Variants in AFAP1 observed in about 807,000 individuals in gnomAD.
The protein encoded by AFAP1 is actin filament associated protein 1, also known as actin filament-associated protein 1.
Under a neutral mutation model 93.9 loss-of-function variants are expected in AFAP1, and 75 were observed. The ratio of observed to expected loss-of-function variants is 0.80; its 90% confidence interval spans 0.66 to 0.97. AFAP1 has a LOEUF of 0.97. Ranked by LOEUF, AFAP1 falls within the 50% of genes least tolerant of loss-of-function variation. AFAP1 has a pLI of 0.00. For missense variants in AFAP1, 1,201 were observed against 1,050.8 expected (o/e 1.14, Z -1.98); for synonymous variants, 517 against 430.7 (o/e 1.20, Z -2.48).
intron 12 of AFAP1, among the ~76,000 whole-genome samples, chr4:7,783,775 G>T (rs1300867843): frequency 1.3e-5 from 2 of 152,216 alleles, no homozygotes; most frequent in African/African-American, 4.8e-5. Context: ...TGGTTCCACA[G>T]GGTGAAGACA....
At chr4:7,845,883 TGG>T (rs34608904) in intron 4 of AFAP1, among the ~76,000 whole-genome samples, 1 of 151,404 alleles carries the variant, frequency 6.6e-6, no homozygotes, top group African/African-American at 2.4e-5. Flanking sequence ...GGCACAGGGG[TGG>T]GGGGGGCAAG....
At chr4:7,918,809 A>T (rs112139902) in intron 1 of AFAP1, among the ~76,000 whole-genome samples, 7 of 102,680 alleles carry the variant, frequency 6.8e-5, no homozygotes, top group African/African-American at 1.8e-4. Context: ...GGCTGTTGGA[A>T]GAGACACTCG....
At chr4:7,891,235 C>T (rs1718450832) in intron 1 of AFAP1, among the ~76,000 whole-genome samples, 1 of 152,198 alleles carries the variant, frequency 6.6e-6, no homozygotes, top group Non-Finnish European at 1.5e-5. Context: ...ATCTGCAGGG[C>T]CAGGAAGCAG....
rs145262268 is a variant in AFAP1 at position 7,768,933 on chromosome 4, C to A, written c.2329G>T (p.Val777Leu). ...SCDTSDTEGP[V>L]PVNSAAVLKK... Reference sequence around the variant, plus strand: ...AAGACGGCCGCGCTGTTCACCGGCACGGGGCCCTCGGTGTCACTGGTGTCA... The same window carrying A: ...AAGACGGCCGCGCTGTTCACCGGCAAGGGGCCCTCGGTGTCACTGGTGTCA... Residue 777 changes from valine (V) to leucine (L), a missense_variant, in exon 17 of 18, where the codon GTG (valine) becomes TTG (leucine). Transcript: ENST00000420658. 2 of 1,613,842 alleles carry A rather than the reference C, an allele frequency of 1.2e-6. No homozygotes were observed. Among genetic ancestry groups the A allele is most frequent in the Non-Finnish European group, 1.7e-6 (2 of 1,179,878 alleles).
rs577939250 is a variant in AFAP1 at position 7,790,729 on chromosome 4, C to G, written c.1412+2952G>C. On this transcript the variant is annotated intron_variant, in intron 11 of 17. Coordinates refer to ENST00000420658, the MANE Select transcript of AFAP1 (RefSeq NM_001134647.2). The stretch of plus-strand genomic sequence containing the variant: ...GAATTGGAGAATCATTATAATTTAC[C>G]TATATTTTGCTGATTAGAAAGAATA... Among the ~76,000 whole-genome samples the G allele has an allele frequency of 1.6e-4, 25 of 152,208 alleles. No individual in the cohort carries two copies. The East Asian group carries it at 3.9e-3, about 24-fold the overall frequency.
At chr4:7,798,976 T>C in intron 10 of AFAP1, 1 of 986,574 alleles carries the variant, frequency 1.0e-6, no homozygotes, top group Non-Finnish European at 1.2e-6. Flanking sequence ...AGACCCGCAT[T>C]GTTACATCAA....
chr4:7,883,363 T>G (rs1057152265), intron 1 of AFAP1, among the ~76,000 whole-genome samples: 2 of 152,126 alleles, frequency 1.3e-5, no homozygotes, highest in Admixed American at 1.3e-4. Context: ...ACACTTGGAA[T>G]TGATAGGCAC....
At chr4:7,827,568 C>CAAAAAAAAAAAAAAA (rs1560183870) in intron 6 of AFAP1, among the ~76,000 whole-genome samples, 1 of 13,392 alleles carries the variant, frequency 7.5e-5, no homozygotes, top group Admixed American at 1.2e-3. Flanking sequence ...AACTCTGTCT[C>CAAAAAAAAAAAAAAA]CAAAAAAAAA....
chr4:7,932,875 C>T (rs937244291), intron 1 of AFAP1, among the ~76,000 whole-genome samples: 1 of 151,986 alleles, frequency 6.6e-6, no homozygotes, highest in African/African-American at 2.4e-5. Context: ...CAAAAATTAG[C>T]CAGGCTTGGT....
chr4:7,768,472 G>A (rs576970228), intron 17 of AFAP1, among the ~76,000 whole-genome samples: 2 of 152,272 alleles, frequency 1.3e-5, no homozygotes, highest in Admixed American at 1.3e-4. Context: ...TTTTTCTAAA[G>A]AATCACACAT....
At chr4:7,879,045 T>C (rs1717685802) in intron 1 of AFAP1, among the ~76,000 whole-genome samples, 1 of 152,178 alleles carries the variant, frequency 6.6e-6, no homozygotes, top group Admixed American at 6.5e-5. Flanking sequence ...CTAATAGTTC[T>C]TACACTAAAA....
At chr4:7,827,625 G>T (rs528300168) in intron 6 of AFAP1, among the ~76,000 whole-genome samples, 1 of 141,652 alleles carries the variant, frequency 7.1e-6, no homozygotes, top group East Asian at 2.0e-4. Flanking sequence ...AGAGAGGACG[G>T]CCAAAAGCTT....
chr4:7,815,263 G>C (rs1381072530), intron 8 of AFAP1, among the ~76,000 whole-genome samples: 3 of 147,012 alleles, frequency 2.0e-5, no homozygotes, highest in Non-Finnish European at 4.6e-5. Context: ...GAGGGAATGG[G>C]GAGTCAGTGT....
At chr4:7,824,955 G>A (rs1412481939) in intron 6 of AFAP1, among the ~76,000 whole-genome samples, 1 of 152,170 alleles carries the variant, frequency 6.6e-6, no homozygotes, top group Non-Finnish European at 1.5e-5. Flanking sequence ...AAGACTGAAA[G>A]TCTGGTTCAT....
intron 4 of AFAP1, among the ~76,000 whole-genome samples, chr4:7,852,671 G>A (rs28488140): frequency 0.29 from 43,601 of 151,924 alleles, 7,017 homozygotes; most frequent in African/African-American, 0.43. Flanking sequence ...TGGGGGCACC[G>A]GGAATACAAA....
intron 17 of AFAP1, among the ~76,000 whole-genome samples, chr4:7,764,963 G>A (rs549828389): frequency 6.6e-6 from 1 of 152,242 alleles, no homozygotes; most frequent in East Asian, 1.9e-4. Context: ...AAAATTAGCT[G>A]GGTGTGGTGG....
At position 7,774,788 on chromosome 4, in the gene AFAP1, C is replaced by A. The variant is rs373406933; in HGVS notation, c.2013G>T (p.Gln671His). 1.9e-6 allele frequency: 3 copies of A among 1,614,126 alleles called. No individual in the cohort carries two copies. The African/African-American group carries it at 4.0e-5, about 22-fold the overall frequency. ...RKEALRNRLA[Q>H]LRKERKDLRA... ...GAAGGTCTTTTCTTTCCTTGCGGAG[C>A]TGGGCCAGCCTATTCCGCAGGGCCT... is the stretch of plus-strand genomic sequence containing the variant. Residue 671 changes from glutamine to histidine, a missense_variant, in exon 15 of 18, where the codon CAG becomes CAT. Transcript: ENST00000420658.
chr4:7,856,869 C>G (rs1417503006), intron 3 of AFAP1, among the ~76,000 whole-genome samples: 1 of 152,184 alleles, frequency 6.6e-6, no homozygotes, highest in Non-Finnish European at 1.5e-5. Flanking sequence ...CACTTCTGCA[C>G]TTGCCACATG....
chr4:7,927,394 G>A (rs1051950109), intron 1 of AFAP1, among the ~76,000 whole-genome samples: 2 of 152,174 alleles, frequency 1.3e-5, no homozygotes, highest in Non-Finnish European at 2.9e-5. Flanking sequence ...CAGTTTCTTC[G>A]CTGTAAAAGG....
Sources: allele counts gnomAD v4.1 joint callset (sites outside exome capture counted in the v4.1 genomes callset), GRCh38; gene constraint gnomAD v4.1.1; transcripts MANE v1.5; gene names NCBI Gene and HGNC (gene_info 2026-07-23, HGNC 2026-07-21).